The following OR51B5 variants were observed in gnomAD, a reference collection of about 807,000 sequenced individuals.
The protein encoded by OR51B5 is olfactory receptor family 51 subfamily B member 5.
For synonymous variants in OR51B5, 186 were observed against 144.8 expected, an observed-to-expected ratio of 1.28 and a Z score of -2.04; for missense variants, 456 against 374.6, an observed-to-expected ratio of 1.22 and a Z score of -1.79.
rs1247329341 is a variant in OR51B5 at position 5,343,317 on chromosome 11, CCAGGTCTGTGGCAGCCA to C, written c.191_207del (p.Leu64ArgfsTer50). The C allele has an allele frequency of 6.9e-7, 1 of 1,455,796 alleles. No individual in the cohort carries two copies. The highest frequency in any genetic ancestry group is 1.8e-5 in the African/African-American group (1 of 55,852). 90.2% of individuals were successfully genotyped at this position (1,455,796 alleles called of 1,614,324 possible). A position where few individuals can be genotyped will look rare whatever the true frequency, so the allele number is the denominator to read the frequency against. ...GTGGGCATTGTGGTCAGGGCCAGCCCCAGGTCTGTGGCAGCCAGCATGGCCAGAAAGAAGTACATGGG... is the reference window on the plus strand; with the variant it reads ...GTGGGCATTGTGGTCAGGGCCAGCCCGCATGGCCAGAAAGAAGTACATGGG... On this transcript the variant is annotated frameshift_variant, in exon 1 of 1. Transcript: ENST00000300773. LOFTEE classifies it low-confidence loss of function (END_TRUNC).
chr11:5,359,610 C>T (rs569451066), intron 1 of OR51B5, among the ~76,000 whole-genome samples: 18 of 146,020 alleles, frequency 1.2e-4, no homozygotes, highest in South Asian at 6.7e-4. Context: ...ATCAAGCTAC[C>T]AATGACTTTC....
At chr11:5,358,001 G>A (rs1359162816) in intron 1 of OR51B5, among the ~76,000 whole-genome samples, 1 of 151,964 alleles carries the variant, frequency 6.6e-6, no homozygotes, top group Admixed American at 6.6e-5. Context: ...AGTGTGTAGA[G>A]GGAAATTTAT....
chr11:5,483,529 G>A, intron 1 of OR51B5, among the ~76,000 whole-genome samples: 1 of 139,172 alleles, frequency 7.2e-6, no homozygotes, highest in Non-Finnish European at 1.5e-5. Flanking sequence ...GAAAAGAAAA[G>A]AAAAGAAAGA....
At chr11:5,488,300 G>A (rs1191855565) in intron 1 of OR51B5, among the ~76,000 whole-genome samples, 1 of 152,070 alleles carries the variant, frequency 6.6e-6, no homozygotes, top group African/African-American at 2.4e-5. Context: ...ATAGAGAGGA[G>A]GAAAATAAAG....
chr11:5,376,722 A>AATTCC (rs1439481832), intron 1 of OR51B5, among the ~76,000 whole-genome samples: 2 of 151,982 alleles, frequency 1.3e-5, no homozygotes, highest in Non-Finnish European at 2.9e-5. Flanking sequence ...GAAATGGATA[A>AATTCC]ATTCCTGGAC....
intron 1 of OR51B5, among the ~76,000 whole-genome samples, chr11:5,418,580 G>A (rs1850277492): frequency 6.6e-6 from 1 of 152,054 alleles, no homozygotes; most frequent in Non-Finnish European, 1.5e-5. Context: ...CTCTTGCAGG[G>A]ACATGCATGA....
At chr11:5,440,945 T>C in intron 1 of OR51B5, 1 of 1,613,944 alleles carries the variant, frequency 6.2e-7, no homozygotes, top group Non-Finnish European at 8.5e-7. Flanking sequence ...TGTCTCCACA[T>C]GCTACTTTCA....
intron 1 of OR51B5, among the ~76,000 whole-genome samples, chr11:5,350,385 A>G (rs1389145711): frequency 6.6e-6 from 1 of 152,210 alleles, no homozygotes; most frequent in African/African-American, 2.4e-5. Flanking sequence ...ATAAATTTAC[A>G]TCAATATGCT....
upstream of OR51B5, chr11:5,346,355 T>TGAGAAGAAAGACAATGA (rs899483432): frequency 6.6e-6 from 1 of 152,006 alleles, no homozygotes; most frequent in South Asian, 2.1e-4. Context: ...TCTTGGTTTC[T>TGAGAAGAAAGACAATGA]GAGAAGAAAG....
intron 1 of OR51B5, among the ~76,000 whole-genome samples, chr11:5,417,664 C>T (rs1850263946): frequency 6.6e-6 from 1 of 151,432 alleles, no homozygotes; most frequent in African/African-American, 2.4e-5. Flanking sequence ...CCAAAAAACA[C>T]ATGAAAAAAT....
At chr11:5,419,916 G>A (rs1186984320) in intron 1 of OR51B5, among the ~76,000 whole-genome samples, 1 of 151,484 alleles carries the variant, frequency 6.6e-6, no homozygotes, top group African/African-American at 2.4e-5. Flanking sequence ...GATTACAATA[G>A]AATGTAAGCA....
intron 1 of OR51B5, chr11:5,441,330 T>C: frequency 6.2e-7 from 1 of 1,613,778 alleles, no homozygotes; most frequent in South Asian, 1.1e-5. Flanking sequence ...GAGGAAGTAG[T>C]ACATGGGCTG....
chr11:5,447,245 T>C (rs1385657687), intron 1 of OR51B5, among the ~76,000 whole-genome samples: 2 of 152,184 alleles, frequency 1.3e-5, no homozygotes, highest in Non-Finnish European at 2.9e-5. Context: ...TATCCAATCA[T>C]TACTTGAAGA....
At chr11:5,380,344 C>T (rs143111294) in intron 1 of OR51B5, among the ~76,000 whole-genome samples, 32 of 152,244 alleles carry the variant, frequency 2.1e-4, no homozygotes, top group Non-Finnish European at 3.8e-4. Context: ...GGCTGTGGAC[C>T]AGTCCAGAAG....
intron 1 of OR51B5, among the ~76,000 whole-genome samples, chr11:5,472,209 G>A (rs902368445): frequency 6.6e-6 from 1 of 152,212 alleles, no homozygotes; most frequent in African/African-American, 2.4e-5. Flanking sequence ...GCACCAACTA[G>A]ATGGGGGATG....
At chr11:5,375,754 G>C (rs2133711921) in intron 1 of OR51B5, among the ~76,000 whole-genome samples, 1 of 152,254 alleles carries the variant, frequency 6.6e-6, no homozygotes, top group African/African-American at 2.4e-5. Flanking sequence ...TCAACAAGAA[G>C]AGCTAACTAT....
chr11:5,418,109 C>A (rs1451459695), intron 1 of OR51B5, among the ~76,000 whole-genome samples: 2 of 151,008 alleles, frequency 1.3e-5, no homozygotes, highest in Admixed American at 6.6e-5. Context: ...TTTGTAGGGA[C>A]ATGGATGAAG....
chr11:5,342,821 G>A, exon 1 of OR51B5: 2 of 1,613,500 alleles, frequency 1.2e-6, no homozygotes, highest in South Asian at 2.2e-5. Context: ...GGTAATGAGA[G>A]CCTTGGCCCT....
intron 1 of OR51B5, among the ~76,000 whole-genome samples, chr11:5,445,240 T>A (rs1850743340): frequency 6.6e-6 from 1 of 152,202 alleles, no homozygotes. Context: ...TAAATACATT[T>A]CCCTGCTTAA....
Sources: allele counts gnomAD v4.1 joint callset (sites outside exome capture counted in the v4.1 genomes callset), GRCh38; gene constraint gnomAD v4.1.1; transcripts MANE v1.5; gene names NCBI Gene and HGNC (gene_info 2026-07-23, HGNC 2026-07-21).